Variants in MYH6 observed in about 807,000 individuals in gnomAD.
The protein encoded by MYH6 is myosin heavy chain 6, also known as myosin-6.
MYH6 carries 126 observed loss-of-function variants against 223.2 expected under a neutral mutation model. The observed-to-expected ratio is 0.56, with a 90% CI of 0.49 to 0.65. The LOEUF (loss-of-function observed/expected upper bound fraction) is 0.65. Among genes scored for constraint, MYH6 ranks in the 30% least tolerant of loss-of-function variants. MYH6 has a pLI of 0.00. For missense variants in MYH6, 2,040 were observed against 2,536.4 expected (o/e 0.80, Z 4.20); for synonymous variants, 978 against 1,010.2 (o/e 0.97, Z 0.61).
rs756710869 is a variant in MYH6 at position 23,398,987 on chromosome 14, G to T, written c.1632C>A (p.Ala544=). ...ILEEECMFPK[A]TDMTFKAKLY... is the part of the protein sequence containing the mutation. Reference sequence around the variant, plus strand: ...GCTTGGCCTTGAAGGTCATGTCAGTGGCCTTGGGGAACATGCACTCCTCCT... The same window carrying T: ...GCTTGGCCTTGAAGGTCATGTCAGTTGCCTTGGGGAACATGCACTCCTCCT... The change falls in exon 15 of 39, where the codon GCC becomes GCA. Residue 544 remains alanine, a synonymous_variant. Transcript: ENST00000405093. 6.8e-6 allele frequency: 11 copies of T among 1,613,996 alleles called. No individual in the cohort carries two copies. The highest frequency in any genetic ancestry group is 8.5e-6 in the Non-Finnish European group (10 of 1,180,036).
intron 29 of MYH6, chr14:23,388,548 T>G: frequency 1.1e-6 from 1 of 890,018 alleles, no homozygotes; most frequent in Non-Finnish European, 1.9e-6. Flanking sequence ...TGGGTGTCAG[T>G]GCCCCCTGCC....
In MYH6 at chr14:23,385,516, G is replaced by A. The variant is rs139148880; in HGVS notation, c.5163+412C>T. 9.9e-5 allele frequency among the ~76,000 whole-genome samples: 15 copies of A among 151,244 alleles called. No homozygotes were observed. In the East Asian group the frequency reaches 2.9e-3, roughly 29 times the overall value. Reference sequence around the variant, plus strand: ...CAAAAGGTGAGCACAAAGTCTCATTGCAGAGTATAACTGAAAACAGTGTGG... The same window carrying A: ...CAAAAGGTGAGCACAAAGTCTCATTACAGAGTATAACTGAAAACAGTGTGG... On this transcript the variant is annotated intron_variant, in intron 34 of 38. Transcript: ENST00000405093.
chr14:23,407,369 C>T lies in MYH6; in HGVS notation c.-13-133G>A. On this transcript the variant is annotated intron_variant, in intron 2 of 38. Transcript: ENST00000405093. The surrounding 1 kb of genome is among the most constrained non-coding windows in gnomAD (Gnocchi z 5.6). ...CTGGGAGAGGCACCTGCTGTTGCAC[C>T]CTCCCCTACTCAGGGCTCTGCTTCT... 8.6e-7 allele frequency: 1 copy of T among 1,159,574 alleles called. No individual in the cohort carries two copies. The highest frequency in any genetic ancestry group is 1.2e-6 in the Non-Finnish European group (1 of 806,742). 71.8% of individuals were successfully genotyped at this position (1,159,574 alleles called of 1,614,324 possible).
rs1289302937 is a variant in MYH6 at position 23,396,296 on chromosome 14, A to G, written c.2417T>C (p.Ile806Thr). Residue 806 changes from isoleucine (I) to threonine (T), a missense_variant, in exon 20 of 39, where the codon ATA becomes ACA. This residue lies in a region of MYH6 where 649 missense variants were observed against 877.3 expected (regional missense o/e 0.74). Coordinates refer to ENST00000405093, the MANE Select transcript of MYH6 (RefSeq NM_002471.4). ...CCTCCTGTCTCACCTGCGTTCCACTATCTTCTTGAACTCAATGCGCATGAG... is the reference window on the plus strand; with the variant it reads ...CCTCCTGTCTCACCTGCGTTCCACTGTCTTCTTGAACTCAATGCGCATGAG... ...GQLMRIEFKKIVERRDALLVI... is the reference protein window; with the variant it reads ...GQLMRIEFKKTVERRDALLVI... 3 of 1,614,082 alleles carry G rather than the reference A, an allele frequency of 1.9e-6. No individual in the cohort carries two copies. The South Asian group carries it at 3.3e-5, about 18-fold the overall frequency.
rs775038703 is a variant in MYH6, at chr14:23,407,105, G to C, written c.119C>G (p.Pro40Arg). 2 of 1,614,204 alleles carry C rather than the reference G, an allele frequency of 1.2e-6. No homozygotes were observed. Among genetic ancestry groups the C allele is most frequent in the Non-Finnish European group, 1.7e-6 (2 of 1,180,038 alleles). ...PFDIRTECFVPDDKEEFVKAK... is the reference protein window; with the variant it reads ...PFDIRTECFVRDDKEEFVKAK... ...TTTGACAAACTCTTCCTTGTCATCG[G>C]GCACGAAGCACTCAGTGCGAATGTC... Residue 40 changes from proline (P) to arginine (R), a missense_variant, in exon 3 of 39, where the codon CCC (proline) becomes CGC (arginine). This residue lies in a region of MYH6 where 184 missense variants were observed against 232.4 expected (regional missense o/e 0.79). Transcript: ENST00000405093. The surrounding 1 kb of genome is among the most constrained non-coding windows in gnomAD (Gnocchi z 5.6).
At chr14:23,403,594 TA>T in intron 9 of MYH6, 120 bp downstream of exon 9, 1 of 1,190,314 alleles carries the variant, frequency 8.4e-7, no homozygotes, top group Non-Finnish European at 1.2e-6. Flanking sequence ...AAAAGGATCC[TA>T]AAGCCCAGAG....
intron 34 of MYH6, among the ~76,000 whole-genome samples, 183 bp from the exon 35 acceptor site, chr14:23,385,224 A>G (rs533312960): frequency 1.3e-5 from 2 of 152,072 alleles, no homozygotes; most frequent in Admixed American, 6.6e-5. Context: ...CATTCTAGAC[A>G]TTGTATCTAA....
At position 23,388,292 on chromosome 14, in the gene MYH6, C is replaced by A; in HGVS notation, c.4222G>T (p.Ala1408Ser). The A allele has an allele frequency of 1.2e-6, 2 of 1,613,290 alleles. No individual in the cohort carries two copies. The highest frequency in any genetic ancestry group is 1.7e-6 in the Non-Finnish European group (2 of 1,180,030). Residue 1408 changes from alanine to serine, a missense_variant, in exon 30 of 39, where the codon GCT becomes TCT. By Grantham distance (99) the Ala-to-Ser change is moderately conservative (BLOSUM62 1). Transcript: ENST00000405093. ...RLQDAEEAVE[A>S]VNAKCSSLEK... ...AGTGAGGAGCACTTGGCATTAACAG[C>A]CTCCACGGCCTCCTCGGCATCCTGC...
intron 8 of MYH6, among the ~76,000 whole-genome samples, chr14:23,404,071 CT>C (rs1297233269): frequency 6.6e-6 from 1 of 152,224 alleles, no homozygotes; most frequent in African/African-American, 2.4e-5. Flanking sequence ...ATTAGTCCCC[CT>C]GTTTCACAGG....
At position 23,385,956 on chromosome 14, in the gene MYH6, C is replaced by A. The variant is rs201383498; in HGVS notation, c.5135G>T (p.Ser1712Ile). 4.3e-5 allele frequency: 69 copies of A among 1,614,124 alleles called. No individual in the cohort carries two copies. Among genetic ancestry groups the A allele is most frequent in the Middle Eastern group, 1.6e-4 (1 of 6,084 alleles). Residue 1712 changes from serine to isoleucine, a missense_variant, in exon 34 of 39, where the codon AGC (serine) becomes ATC (isoleucine). Physicochemically the swap from Ser to Ile is moderately radical, Grantham distance 142. This residue lies in a region of MYH6 where 1,203 missense variants were observed against 1,400.2 expected (regional missense o/e 0.86). Coordinates refer to ENST00000405093, the MANE Select transcript of MYH6 (RefSeq NM_002471.4). ...KLAEQELIET[S>I]ERVQLLHSQN... ...GGAATGCAGCAGCTGCACCCGCTCG[C>A]TGGTCTCAATCAGCTCCTGCTCCGC... is the stretch of plus-strand genomic sequence containing the variant.
chr14:23,407,287 A>C lies in MYH6; in HGVS notation c.-13-51T>G. 6.2e-7 allele frequency: 1 copy of C among 1,600,928 alleles called. No individual in the cohort carries two copies. The highest frequency in any genetic ancestry group is 1.3e-5 in the African/African-American group (1 of 74,812). On this transcript the variant is annotated intron_variant, in intron 2 of 38. Transcript: ENST00000405093. This position sits in a 1 kb window ranked among gnomAD's most constrained non-coding sequence, Gnocchi z 5.6. ...TTACTCCTGAGGGAGCCCAGGCTCC[A>C]GCGAGTGGCTTTGTCCTCTGCAGCC...
In MYH6 at chr14:23,402,514, T is replaced by C; in HGVS notation, c.1091A>G (p.Lys364Arg). 4.3e-6 allele frequency: 7 copies of C among 1,613,694 alleles called. No homozygotes were observed. Among genetic ancestry groups the C allele is most frequent in the Non-Finnish European group, 5.9e-6 (7 of 1,179,924 alleles). ...TGAIMHYGNM[K>R]FKQKQREEQA... ...CTCCTCCCGCTGCTTCTGCTTGAAC[T>C]TCATGTTCCCGTAGTGCATGATGGC... The change falls in exon 12 of 39, where the codon AAG becomes AGG. Residue 364 changes from lysine (K) to arginine (R), a missense_variant. Physicochemically the swap from Lys to Arg is conservative, Grantham distance 26. This residue lies in a region of MYH6 where 649 missense variants were observed against 877.3 expected (regional missense o/e 0.74). Transcript: ENST00000405093.
chr14:23,402,361 A>C (rs894365290), intron 12 of MYH6, 103 bp downstream of exon 12: 8 of 1,556,576 alleles, frequency 5.1e-6, no homozygotes, highest in Non-Finnish European at 7.0e-6. Flanking sequence ...CCCACAACAC[A>C]CCCCACTGCC....
rs1891415411 is a variant in MYH6, at chr14:23,396,963, C to A, written c.2168G>T (p.Arg723Met). Residue 723 changes from arginine to methionine, a missense_variant and splice_region_variant, in exon 18 of 39, where the codon AGG becomes ATG. Arg to Met is a moderately conservative substitution (Grantham distance 91). Around this residue, in one of 4 missense-constraint regions of MYH6, gnomAD observed 649 missense variants for 877.3 expected, o/e 0.74. Coordinates refer to ENST00000405093, the MANE Select transcript of MYH6 (RefSeq NM_002471.4). ...NRILYGDFRQRYRILNPVAIP... is the reference protein window; with the variant it reads ...NRILYGDFRQMYRILNPVAIP... The stretch of plus-strand genomic sequence containing the variant: ...AGCTCTGGGGCACCCTCATACCCAC[C>A]TCTGCCGGAAGTCCCCGTAGAGGAT... The A allele has an allele frequency of 1.2e-6, 2 of 1,612,572 alleles. No homozygotes were observed. Among genetic ancestry groups the A allele is most frequent in the South Asian group, 2.2e-5 (2 of 91,024 alleles).
In MYH6 at chr14:23,403,329, G is replaced by A. The variant is rs775971161; in HGVS notation, c.898+19C>T. 6 of 1,600,730 alleles carry A rather than the reference G, an allele frequency of 3.7e-6. No homozygotes were observed. In the African/African-American group the frequency reaches 4.0e-5, roughly 11 times the overall value. ...TGCAGCAGGGACAGCAGTGGGTGGG[G>A]GGTGGCAGGCAGGTTCACCCAGCAA... On this transcript the variant is annotated intron_variant, in intron 10 of 38. Coordinates refer to ENST00000405093, the MANE Select transcript of MYH6 (RefSeq NM_002471.4).
chr14:23,390,346 A>G lies in MYH6; in HGVS notation c.3443T>C (p.Ile1148Thr), dbSNP rs765705891. 1.9e-6 allele frequency: 3 copies of G among 1,608,374 alleles called. No homozygotes were observed. The highest frequency in any genetic ancestry group is 2.7e-5 in the African/African-American group (2 of 74,442). ...GCCGGCCTCTTCCAGCCGCTCGCTG[A>G]TCTCCTCCAGCTCCCGAGACAGGTC... ...RSDLSRELEEISERLEEAGGA... is the reference protein window; with the variant it reads ...RSDLSRELEETSERLEEAGGA... Residue 1148 changes from isoleucine (I) to threonine (T), a missense_variant, in exon 26 of 39, where the codon ATC becomes ACC. This residue lies in a region of MYH6 where 1,203 missense variants were observed against 1,400.2 expected (regional missense o/e 0.86). Transcript: ENST00000405093.
Position 23,398,857 on chromosome 14 carries a change from C to A in MYH6, c.1762G>T (p.Asp588Tyr). ...FSLIHYAGTV[D>Y]YNILGWLEKN... is the part of the protein sequence containing the mutation. ...TCCAGCCAGCCCAGGATGTTGTAGT[C>A]CACAGTGCCGGCGTAGTGGATCAGG... The change falls in exon 15 of 39, where the codon GAC becomes TAC. Residue 588 changes from aspartate to tyrosine, a missense_variant. This residue lies in a region of MYH6 where 649 missense variants were observed against 877.3 expected (regional missense o/e 0.74). Transcript: ENST00000405093. 1 of 1,614,188 alleles carries A rather than the reference C, an allele frequency of 6.2e-7. No homozygotes were observed. Among genetic ancestry groups the A allele is most frequent in the Non-Finnish European group, 8.5e-7 (1 of 1,180,046 alleles).
chr14:23,406,117 C>T (rs1159684028), intron 3 of MYH6, among the ~76,000 whole-genome samples: 1 of 152,116 alleles, frequency 6.6e-6, no homozygotes. Flanking sequence ...CTGTGCACAC[C>T]TTATGCTGAC....
intron 19 of MYH6, 100 bp downstream of exon 19, chr14:23,396,594 A>T (rs1411399664): frequency 1.2e-6 from 2 of 1,604,990 alleles, no homozygotes; most frequent in African/African-American, 1.3e-5. Context: ...GATAAGGTTG[A>T]TAAGGAAGCC....
Sources: allele counts gnomAD v4.1 joint callset (sites outside exome capture counted in the v4.1 genomes callset), GRCh38; gene constraint gnomAD v4.1.1; regional missense constraint gnomAD v4.1.1; non-coding constraint Gnocchi (gnomAD v3.1); transcripts MANE v1.5; gene names NCBI Gene and HGNC (gene_info 2026-07-23, HGNC 2026-07-21).